TMEM132C: variants seen among roughly 807,000 people sequenced by gnomAD.
TMEM132C encodes protein phosphatase 1, regulatory subunit 152.
Under a neutral mutation model 61.4 loss-of-function variants are expected in TMEM132C, and 29 were observed. The observed-to-expected ratio is 0.47, with a 90% CI of 0.35 to 0.64. The LOEUF is 0.64. Among genes scored for constraint, TMEM132C ranks in the 30% least tolerant of loss-of-function variants. The pLI, the probability that TMEM132C is intolerant of heterozygous loss-of-function variation, is 0.00. For synonymous variants in TMEM132C, 656 were observed against 633.1 expected, an observed-to-expected ratio of 1.04 and a Z score of -0.54; for missense variants, 1,408 against 1,476.9, an observed-to-expected ratio of 0.95 and a Z score of 0.76.
chr12:128,639,375 G>GGTA lies in TMEM132C; in HGVS notation c.1305+23043_1305+23045dup, dbSNP rs1290924867. On this transcript the variant is annotated intron_variant, in intron 4 of 8. Transcript: ENST00000435159. Reference sequence around the variant, plus strand: ...TGATGAAGATGATGATGGTGATAATGGTAGTGGTAAAGATGACAATGATGA... The same window carrying GGTA: ...TGATGAAGATGATGATGGTGATAATGGTAGTAGTGGTAAAGATGACAATGATGA... Among the ~76,000 whole-genome samples, 3 of 152,088 alleles carry GGTA rather than the reference G, an allele frequency of 2.0e-5. 1 individual carries two copies. Among genetic ancestry groups the GGTA allele is most frequent in the Admixed American group, 1.3e-4 (2 of 15,258 alleles).
intron 3 of TMEM132C, among the ~76,000 whole-genome samples, chr12:128,596,433 G>A (rs750048713): frequency 7.4e-5 from 11 of 148,206 alleles, no homozygotes; most frequent in South Asian, 2.2e-4. Flanking sequence ...TGCCCCTTTC[G>A]CAGGTCTTGG....
At chr12:128,550,604 T>A (rs1167072887) in intron 3 of TMEM132C, among the ~76,000 whole-genome samples, 1 of 152,184 alleles carries the variant, frequency 6.6e-6, no homozygotes, top group Non-Finnish European at 1.5e-5. Context: ...TGAACTTGGC[T>A]TCTTCATCTT....
At chr12:128,580,847 C>G (rs563875844) in intron 3 of TMEM132C, among the ~76,000 whole-genome samples, 3 of 152,196 alleles carry the variant, frequency 2.0e-5, no homozygotes, top group Non-Finnish European at 4.4e-5. Flanking sequence ...AGCTTTGGCT[C>G]TGTTGACACT....
At chr12:128,470,464 C>T (rs1336650042) in intron 2 of TMEM132C, among the ~76,000 whole-genome samples, 3 of 152,168 alleles carry the variant, frequency 2.0e-5, no homozygotes, top group Admixed American at 6.5e-5. Flanking sequence ...TCTGCTACCT[C>T]TCGGTCTTGG....
intron 1 of TMEM132C, among the ~76,000 whole-genome samples, chr12:128,303,233 A>G (rs1566049134): frequency 6.6e-6 from 1 of 152,238 alleles, no homozygotes; most frequent in Non-Finnish European, 1.5e-5. Context: ...TTTAAAAGAA[A>G]GGATACTATG....
At chr12:128,394,073 G>A (rs1337273697) in intron 1 of TMEM132C, among the ~76,000 whole-genome samples, 2 of 152,172 alleles carry the variant, frequency 1.3e-5, no homozygotes, top group East Asian at 3.9e-4. Context: ...CATGAGGCTG[G>A]GGAGGCCTCA....
chr12:128,549,513 T>C (rs78871752), intron 3 of TMEM132C, among the ~76,000 whole-genome samples: 8,947 of 152,182 alleles, frequency 0.059, 807 homozygotes, highest in African/African-American at 0.2. Context: ...CCCTTTCCCA[T>C]GTTCGTTTCT....
chr12:128,507,510 A>G (rs771667821), intron 2 of TMEM132C, among the ~76,000 whole-genome samples: 1 of 141,476 alleles, frequency 7.1e-6, no homozygotes, highest in African/African-American at 2.7e-5. Context: ...TGTGTGCTTC[A>G]TTTCCTTGCA....
At chr12:128,527,764 G>A (rs1873139439) in intron 2 of TMEM132C, among the ~76,000 whole-genome samples, 2 of 151,800 alleles carry the variant, frequency 1.3e-5, no homozygotes, top group African/African-American at 4.8e-5. Flanking sequence ...CTACCATAGT[G>A]GAAAAAAGCA....
intron 3 of TMEM132C, among the ~76,000 whole-genome samples, chr12:128,595,122 G>C (rs183830267): frequency 1.1e-4 from 16 of 152,276 alleles, no homozygotes; most frequent in Admixed American, 9.8e-4. Flanking sequence ...GGGAAGTCTT[G>C]TTTTGATCCT....
chr12:128,499,448 T>C (rs1872080912), intron 2 of TMEM132C, among the ~76,000 whole-genome samples: 1 of 152,170 alleles, frequency 6.6e-6, no homozygotes, highest in Admixed American at 6.5e-5. Flanking sequence ...TTAAAATATA[T>C]AATAAACTGT....
chr12:128,540,503 C>A (rs11059754), intron 2 of TMEM132C, among the ~76,000 whole-genome samples: 69,951 of 152,040 alleles, frequency 0.46, 18,721 homozygotes, highest in Non-Finnish European at 0.6. Flanking sequence ...CTGCCTACCT[C>A]GGCCTCCCAA....
intron 1 of TMEM132C, among the ~76,000 whole-genome samples, chr12:128,378,859 G>A (rs752709756): frequency 1.3e-5 from 2 of 152,194 alleles, no homozygotes; most frequent in Non-Finnish European, 2.9e-5. Flanking sequence ...AATCATGAGG[G>A]TGGTTACCCC....
intron 2 of TMEM132C, among the ~76,000 whole-genome samples, chr12:128,542,699 A>G (rs1184398463): frequency 7.0e-6 from 1 of 143,750 alleles, no homozygotes; most frequent in Non-Finnish European, 1.5e-5. Context: ...ATCTCTACTA[A>G]AATACAAAAA....
At chr12:128,479,093 C>G (rs140433249) in intron 2 of TMEM132C, among the ~76,000 whole-genome samples, 1 of 152,214 alleles carries the variant, frequency 6.6e-6, no homozygotes, top group Non-Finnish European at 1.5e-5. Context: ...AGCCCATCAT[C>G]CTTAGCAAAC....
intron 5 of TMEM132C, among the ~76,000 whole-genome samples, chr12:128,678,850 C>T (rs1457266335): frequency 6.6e-6 from 1 of 152,208 alleles, no homozygotes; most frequent in African/African-American, 2.4e-5. Context: ...GCCGAGCAGA[C>T]ACCACGGGGT....
chr12:128,403,297 CAG>C (rs1379961394), intron 1 of TMEM132C, among the ~76,000 whole-genome samples: 1 of 152,160 alleles, frequency 6.6e-6, no homozygotes, highest in Non-Finnish European at 1.5e-5. Context: ...AAAATCCAGT[CAG>C]GGCTCTCCTT....
intron 1 of TMEM132C, among the ~76,000 whole-genome samples, chr12:128,269,347 C>CGTGTGTGTGTGT (rs58843737): frequency 0.051 from 7,240 of 143,080 alleles, 296 homozygotes; most frequent in African/African-American, 0.089. Context: ...GCTCACATTC[C>CGTGTGTGTGTGT]GTGTGTGTGT....
At chr12:128,323,075 AACAG>A (rs1371021513) in intron 1 of TMEM132C, among the ~76,000 whole-genome samples, 1 of 152,220 alleles carries the variant, frequency 6.6e-6, no homozygotes, top group African/African-American at 2.4e-5. Flanking sequence ...GACTGAATTA[AACAG>A]ACAAACAAGC....
Sources: allele counts gnomAD v4.1 joint callset (sites outside exome capture counted in the v4.1 genomes callset), GRCh38; gene constraint gnomAD v4.1.1; transcripts MANE v1.5; gene names NCBI Gene and HGNC (gene_info 2026-07-23, HGNC 2026-07-21).